ZFYVE9: variants seen among roughly 807,000 people sequenced by gnomAD.
ZFYVE9 encodes the protein zinc finger FYVE domain-containing protein 9.
Under a neutral mutation model 126.7 loss-of-function variants are expected in ZFYVE9, and 43 were observed. The ratio of observed to expected loss-of-function variants is 0.34; its 90% confidence interval spans 0.27 to 0.44. ZFYVE9 has a LOEUF of 0.44. Ranked by LOEUF, ZFYVE9 falls within the 20% of genes least tolerant of loss-of-function variation. The probability of loss-of-function intolerance (pLI) is 1.00; values close to 1 mark genes in which losing one functional copy is unlikely to be tolerated. For missense variants in ZFYVE9, 1,476 were observed against 1,697.0 expected (o/e 0.87, Z 2.29); for synonymous variants, 521 against 597.4 (o/e 0.87, Z 1.87).
In ZFYVE9 at chr1:52,238,988, G is replaced by A; in HGVS notation, c.1571G>A (p.Gly524Glu). Residue 524 changes from glycine (G) to glutamate (E), a missense_variant, in exon 4 of 19, where the codon GGA (glycine) becomes GAA (glutamate). Coordinates refer to ENST00000287727, the MANE Select transcript of ZFYVE9 (RefSeq NM_004799.4). ...TACTCAAATATTTATGAACAGAGAG[G>A]AAATGAGGCCACAGAAGGGAGTGGA... Reference protein sequence around the residue: ...ECYSNIYEQRGNEATEGSGLL... With the variant: ...ECYSNIYEQRENEATEGSGLL... 1 of 1,614,128 alleles carries A rather than the reference G, an allele frequency of 6.2e-7. No individual in the cohort carries two copies. The highest frequency in any genetic ancestry group is 1.1e-5 in the South Asian group (1 of 91,082).
chr1:52,176,765 C>T (rs1347950332), intron 1 of ZFYVE9, among the ~76,000 whole-genome samples: 5 of 152,132 alleles, frequency 3.3e-5, no homozygotes, highest in South Asian at 2.1e-4. Flanking sequence ...TAGCAATCAG[C>T]GAGACTCCGT....
chr1:52,202,338 G>A (rs938250889), intron 1 of ZFYVE9, among the ~76,000 whole-genome samples: 1 of 151,780 alleles, frequency 6.6e-6, no homozygotes, highest in Non-Finnish European at 1.5e-5. Context: ...GGAGTGCAGT[G>A]GCCTGATCTC....
intron 10 of ZFYVE9, among the ~76,000 whole-genome samples, chr1:52,289,891 G>A (rs1645900790): frequency 1.3e-5 from 2 of 152,190 alleles, no homozygotes; most frequent in South Asian, 4.1e-4. Flanking sequence ...GAGGCAGAAA[G>A]GAAATCAGTA....
chr1:52,326,618 G>A (rs997887086), intron 13 of ZFYVE9, among the ~76,000 whole-genome samples: 1 of 150,186 alleles, frequency 6.7e-6, no homozygotes, highest in Non-Finnish European at 1.5e-5. Flanking sequence ...GGAGGTCAAG[G>A]TGGGTGGATC....
At chr1:52,196,562 A>G (rs944305982) in intron 1 of ZFYVE9, among the ~76,000 whole-genome samples, 3 of 152,182 alleles carry the variant, frequency 2.0e-5, no homozygotes, top group Non-Finnish European at 4.4e-5. Flanking sequence ...GCTTGAACCC[A>G]GGAGGCAGAG....
At chr1:52,275,219 A>G (rs1043311765) in intron 8 of ZFYVE9, among the ~76,000 whole-genome samples, 2 of 152,152 alleles carry the variant, frequency 1.3e-5, no homozygotes, top group Non-Finnish European at 2.9e-5. Flanking sequence ...ATAGTACCCA[A>G]TGGGTAATTT....
At position 52,337,870 on chromosome 1, in the gene ZFYVE9, G is replaced by A. The variant is rs61752689; in HGVS notation, c.3769G>A (p.Ala1257Thr). The change falls in exon 16 of 19, where the codon GCG becomes ACG. Residue 1257 changes from alanine to threonine, a missense_variant. Coordinates refer to ENST00000287727, the MANE Select transcript of ZFYVE9 (RefSeq NM_004799.4). ...CACCATCACCTGTGGGAAGGCGGAC[G>A]CGGAGGAACCCCAGGAGCACATCCA... ...DFTITCGKAD[A>T]EEPQEHIHIQ... 61 of 1,614,104 alleles carry A rather than the reference G, an allele frequency of 3.8e-5. No individual in the cohort carries two copies. Among genetic ancestry groups the A allele is most frequent in the South Asian group, 1.2e-4 (11 of 91,088 alleles).
chr1:52,189,675 AGGTTGTTTTTTTTTT>A (rs905170922), intron 1 of ZFYVE9, among the ~76,000 whole-genome samples: 2 of 89,946 alleles, frequency 2.2e-5, no homozygotes, highest in African/African-American at 5.7e-5. Flanking sequence ...ACTTGGCCTT[AGGTTGTTTTTTTTTT>A]TTTAAACTTG....
intron 1 of ZFYVE9, among the ~76,000 whole-genome samples, chr1:52,209,327 T>C (rs1379290614): frequency 6.6e-6 from 1 of 152,172 alleles, no homozygotes; most frequent in African/African-American, 2.4e-5. Flanking sequence ...TGAAGACTTT[T>C]TTTTTAACTG....
At chr1:52,287,182 C>T (rs181973153) in intron 10 of ZFYVE9, among the ~76,000 whole-genome samples, 6 of 152,190 alleles carry the variant, frequency 3.9e-5, no homozygotes, top group South Asian at 2.1e-4. Flanking sequence ...CTCTGCCTCC[C>T]GGGTTCAAGT....
At chr1:52,324,617 A>G (rs1276732308) in intron 13 of ZFYVE9, among the ~76,000 whole-genome samples, 1 of 151,700 alleles carries the variant, frequency 6.6e-6, no homozygotes, top group African/African-American at 2.4e-5. Context: ...TTTCTCCTCC[A>G]TTTTCCTGTT....
intron 13 of ZFYVE9, among the ~76,000 whole-genome samples, chr1:52,315,264 C>T (rs1296828519): frequency 3.3e-5 from 5 of 151,834 alleles, no homozygotes; most frequent in Non-Finnish European, 7.4e-5. Context: ...ACCATCTTTA[C>T]AAAAAATACA....
At chr1:52,247,509 T>G (rs1179243416) in intron 4 of ZFYVE9, among the ~76,000 whole-genome samples, 2 of 152,144 alleles carry the variant, frequency 1.3e-5, no homozygotes, top group African/African-American at 2.4e-5. Flanking sequence ...CTTTTTGTTT[T>G]TTTTTGAGAC....
In ZFYVE9 at chr1:52,166,663, C is replaced by G. The variant is rs147372094; in HGVS notation, c.-143+24260C>G. On this transcript the variant is annotated intron_variant, in intron 1 of 18. Transcript: ENST00000287727. ...GGTGCGGTAGCTTATGCCTGTAATC[C>G]CAGCGTGAGGAGGCCAAGGTAGGAG... is the stretch of plus-strand genomic sequence containing the variant. Among the ~76,000 whole-genome samples the G allele has an allele frequency of 1.3e-3, 201 of 151,980 alleles. 2 individuals are homozygous for G. The East Asian group carries it at 0.024, about 18-fold the overall frequency.
intron 2 of ZFYVE9, among the ~76,000 whole-genome samples, chr1:52,223,770 A>G (rs1439238456): frequency 1.3e-5 from 2 of 152,138 alleles, no homozygotes; most frequent in African/African-American, 2.4e-5. Context: ...ATGTTTTCTC[A>G]GTGGGCTTCA....
At chr1:52,197,645 T>C (rs959404183) in intron 1 of ZFYVE9, among the ~76,000 whole-genome samples, 2 of 144,854 alleles carry the variant, frequency 1.4e-5, no homozygotes, top group Non-Finnish European at 3.0e-5. Context: ...ACACAAGTCA[T>C]GGAAGAAGAG....
At chr1:52,213,378 C>T (rs368825489) in intron 1 of ZFYVE9, among the ~76,000 whole-genome samples, 1 of 152,110 alleles carries the variant, frequency 6.6e-6, no homozygotes, top group Non-Finnish European at 1.5e-5. Context: ...AGGCCAGGTG[C>T]GGTGGCTCAC....
At chr1:52,313,961 C>T (rs75280526) in intron 13 of ZFYVE9, among the ~76,000 whole-genome samples, 5,275 of 152,142 alleles carry the variant, frequency 0.035, 337 homozygotes, top group African/African-American at 0.12. Flanking sequence ...ATAAACAGCA[C>T]GTCATCGAGT....
chr1:52,144,186 G>A (rs1644287429), intron 1 of ZFYVE9, among the ~76,000 whole-genome samples: 1 of 152,202 alleles, frequency 6.6e-6, no homozygotes, highest in Non-Finnish European at 1.5e-5. Context: ...TGGCATGGTG[G>A]TGCCCACCTG....
Sources: allele counts gnomAD v4.1 joint callset (sites outside exome capture counted in the v4.1 genomes callset), GRCh38; gene constraint gnomAD v4.1.1; transcripts MANE v1.5; gene names NCBI Gene and HGNC (gene_info 2026-07-23, HGNC 2026-07-21).